WWC2: variants seen among roughly 807,000 people sequenced by gnomAD.
The protein encoded by WWC2 is protein WWC2.
Under a neutral mutation model 138.5 loss-of-function variants are expected in WWC2, and 101 were observed. The observed-to-expected ratio is 0.73, with a 90% CI of 0.62 to 0.86. The LOEUF (loss-of-function observed/expected upper bound fraction) is 0.86. WWC2 is among the 40% of genes least tolerant of loss of function. The pLI is 0.00. For missense variants in WWC2, 1,420 were observed against 1,419.4 expected (o/e 1.00, Z -0.01); for synonymous variants, 558 against 538.4 (o/e 1.04, Z -0.50).
At chr4:183,220,497 C>T (rs901640730) in intron 4 of WWC2, among the ~76,000 whole-genome samples, 2 of 150,638 alleles carry the variant, frequency 1.3e-5, no homozygotes, top group Admixed American at 1.3e-4. Flanking sequence ...ACAAGATGAG[C>T]TGTCATTTGC....
chr4:183,228,698 G>C (rs1736148097), intron 4 of WWC2, among the ~76,000 whole-genome samples: 1 of 152,072 alleles, frequency 6.6e-6, no homozygotes, highest in African/African-American at 2.4e-5. Flanking sequence ...AGGATGTGGG[G>C]CAGCTGGAAC....
At chr4:183,256,019 G>GT (rs1737126282) in intron 9 of WWC2, among the ~76,000 whole-genome samples, 1 of 152,068 alleles carries the variant, frequency 6.6e-6, no homozygotes. Flanking sequence ...CATCTGGGGA[G>GT]TAAGTGGTGT....
Position 183,230,076 on chromosome 4 carries a change from C to T in WWC2, c.523-10107C>T, listed in dbSNP as rs138834738. 8.5e-3 allele frequency among the ~76,000 whole-genome samples: 1,287 copies of T among 152,104 alleles called. 41 individuals are homozygous for T. The highest frequency in any genetic ancestry group is 0.029 in the African/African-American group (1,214 of 41,386). ...CTGGGCTCAGGCAATCTTCCTTCCT[C>T]GGCCTCTCAAATTAAATTGGGATTA... On this transcript the variant is annotated intron_variant, in intron 4 of 22. Coordinates refer to ENST00000403733, the MANE Select transcript of WWC2 (RefSeq NM_024949.6).
intron 1 of WWC2, among the ~76,000 whole-genome samples, chr4:183,121,912 A>G (rs568446806): frequency 1.3e-5 from 2 of 151,338 alleles, no homozygotes; most frequent in Non-Finnish European, 2.9e-5. Flanking sequence ...CAGCTTCCCG[A>G]GTAGCTGGGA....
chr4:183,187,409 C>T (rs1734839254), intron 1 of WWC2, among the ~76,000 whole-genome samples: 1 of 150,448 alleles, frequency 6.6e-6, no homozygotes, highest in Admixed American at 6.6e-5. Flanking sequence ...CAAAAATTAG[C>T]TGGGCATGGT....
chr4:183,302,337 T>C (rs1024771374), intron 21 of WWC2, among the ~76,000 whole-genome samples: 2 of 152,188 alleles, frequency 1.3e-5, no homozygotes, highest in Admixed American at 1.3e-4. Flanking sequence ...GGTCCTTAAT[T>C]GCCCTTTTTG....
At chr4:183,275,124 G>A (rs1041840381) in intron 16 of WWC2, among the ~76,000 whole-genome samples, 2 of 149,756 alleles carry the variant, frequency 1.3e-5, no homozygotes, top group African/African-American at 4.9e-5. Context: ...TTTCTCAGTT[G>A]CATTTTTAAG....
chr4:183,277,535 A>G (rs1737901675), intron 16 of WWC2, among the ~76,000 whole-genome samples: 1 of 149,694 alleles, frequency 6.7e-6, no homozygotes, highest in Non-Finnish European at 1.5e-5. Flanking sequence ...TTCCAGTTCT[A>G]GATCCCTGAG....
chr4:183,125,696 G>T (rs959937671), intron 1 of WWC2, among the ~76,000 whole-genome samples: 1 of 152,070 alleles, frequency 6.6e-6, no homozygotes, highest in Non-Finnish European at 1.5e-5. Context: ...TTTTAATATC[G>T]AAGTAGAAAA....
chr4:183,149,460 T>G lies in WWC2; in HGVS notation c.132-44139T>G, dbSNP rs527699417. Reference sequence around the variant, plus strand: ...CAACATGGAGAAACCCCATCTCTACTGAAAATACAAAATTAGCCAGGTGTG... The same window carrying G: ...CAACATGGAGAAACCCCATCTCTACGGAAAATACAAAATTAGCCAGGTGTG... On this transcript the variant is annotated intron_variant, in intron 1 of 22. Coordinates refer to ENST00000403733, the MANE Select transcript of WWC2 (RefSeq NM_024949.6). Among the ~76,000 whole-genome samples, 603 of 152,152 alleles carry G rather than the reference T, an allele frequency of 4.0e-3. 3 individuals are homozygous for G. The highest frequency in any genetic ancestry group is 6.8e-3 in the Middle Eastern group (2 of 294).
chr4:183,311,627 T>A (rs1739246925), intron 21 of WWC2, among the ~76,000 whole-genome samples: 1 of 148,514 alleles, frequency 6.7e-6, no homozygotes, highest in African/African-American at 2.5e-5. Flanking sequence ...TCGCCCAGGC[T>A]GGTGTTCAGT....
chr4:183,137,732 C>A (rs1463294534), intron 1 of WWC2, among the ~76,000 whole-genome samples: 1 of 152,192 alleles, frequency 6.6e-6, no homozygotes, highest in African/African-American at 2.4e-5. Flanking sequence ...CTCCTGGACT[C>A]AAGCAGTCTG....
intron 16 of WWC2, among the ~76,000 whole-genome samples, chr4:183,273,037 AGGT>A (rs1737743259): frequency 6.6e-6 from 1 of 152,150 alleles, no homozygotes. Context: ...AACTGTTCCT[AGGT>A]GTTTGCACCA....
intron 21 of WWC2, among the ~76,000 whole-genome samples, chr4:183,308,675 C>T (rs1303752193): frequency 6.6e-6 from 1 of 152,134 alleles, no homozygotes; most frequent in Non-Finnish European, 1.5e-5. Flanking sequence ...AACCCACATC[C>T]TCCCATACAC....
At chr4:183,251,157 G>A (rs1511672) in intron 8 of WWC2, among the ~76,000 whole-genome samples, 11,697 of 152,170 alleles carry the variant, frequency 0.077, 1,520 homozygotes, top group African/African-American at 0.27. Context: ...TCAGGTTAGG[G>A]AAAAATGTTT....
intron 16 of WWC2, among the ~76,000 whole-genome samples, chr4:183,279,639 T>A (rs1367588207): frequency 6.6e-6 from 1 of 152,124 alleles, no homozygotes; most frequent in African/African-American, 2.4e-5. Context: ...TATTGATTAT[T>A]GCCACAATTT....
At chr4:183,100,839 A>G (rs1743156125) in intron 1 of WWC2, among the ~76,000 whole-genome samples, 1 of 152,238 alleles carries the variant, frequency 6.6e-6, no homozygotes, top group Non-Finnish European at 1.5e-5. Context: ...CCCTCCTGAA[A>G]TGAGAAAAGG....
chr4:183,279,615 TTTGG>T (rs1157200410), intron 16 of WWC2, among the ~76,000 whole-genome samples: 1 of 152,100 alleles, frequency 6.6e-6, no homozygotes, highest in Non-Finnish European at 1.5e-5. Flanking sequence ...CTGGACTCTT[TTTGG>T]TTGGTAAGCT....
intron 1 of WWC2, among the ~76,000 whole-genome samples, chr4:183,102,287 G>T (rs112263195): frequency 6.6e-6 from 1 of 152,166 alleles, no homozygotes; most frequent in Non-Finnish European, 1.5e-5. Flanking sequence ...CAGCCTAATT[G>T]TATTAGTGTA....
Sources: allele counts gnomAD v4.1 joint callset (sites outside exome capture counted in the v4.1 genomes callset), GRCh38; gene constraint gnomAD v4.1.1; transcripts MANE v1.5; gene names NCBI Gene and HGNC (gene_info 2026-07-23, HGNC 2026-07-21).